The following UGT2B4 variants were observed in gnomAD, a reference collection of about 807,000 sequenced individuals.
UGT2B4 encodes UDP-glucuronosyltransferase 2B4.
Under a neutral mutation model 49.8 loss-of-function variants are expected in UGT2B4, and 49 were observed. That is an observed-to-expected ratio of 0.98 (90% CI 0.78 to 1.25). The LOEUF (loss-of-function observed/expected upper bound fraction) is 1.25, where lower values mean the gene tolerates loss of function less well. Ranked by LOEUF, UGT2B4 falls within the 50% of genes most tolerant of loss-of-function variation. The pLI is 0.00. For synonymous variants in UGT2B4, 246 were observed against 217.7 expected, an observed-to-expected ratio of 1.13 and a Z score of -1.14; for missense variants, 729 against 627.7, an observed-to-expected ratio of 1.16 and a Z score of -1.73.
At position 69,511,759 on chromosome 4, in the gene UGT2B4, C is replaced by G. The variant is rs1347746034; in HGVS notation, c.-106+13928G>C. Reference sequence around the variant, plus strand: ...TAAAGAAAAAGCATTAATTATTTTTCAAGTGTTTGGTAGTGAAGCCATCTG... The same window carrying G: ...TAAAGAAAAAGCATTAATTATTTTTGAAGTGTTTGGTAGTGAAGCCATCTG... On this transcript the variant is annotated intron_variant, in intron 1 of 1. Coordinates refer to the UGT2B4 transcript ENST00000510114. Among the ~76,000 whole-genome samples, 62 of 151,986 alleles carry G rather than the reference C, an allele frequency of 4.1e-4. 1 individual carries two copies. The highest frequency in any genetic ancestry group is 4.1e-3 in the Admixed American group (62 of 15,248).
In UGT2B4 at chr4:69,518,966, C is replaced by T. The variant is rs542814813; in HGVS notation, c.-106+6721G>A. Among the ~76,000 whole-genome samples, 26 of 151,966 alleles carry T rather than the reference C, an allele frequency of 1.7e-4. No individual in the cohort carries two copies. The South Asian group carries it at 3.1e-3, about 18-fold the overall frequency. On this transcript the variant is annotated intron_variant, in intron 1 of 1. Coordinates refer to the UGT2B4 transcript ENST00000510114. ...AATGCTGTTGACTTATGAGGTGTGA[C>T]GAAAGGTTTGGTAGGATTTATACAA...
At chr4:69,489,617 G>A in intron 2 of UGT2B4, 47 bp from the exon 3 acceptor site, 1 of 1,563,430 alleles carries the variant, frequency 6.4e-7, no homozygotes, top group Non-Finnish European at 8.6e-7. Flanking sequence ...TATCAGCACA[G>A]CAAGCACTGT....
At chr4:69,514,269 T>C (rs181538549) in intron 1 of UGT2B4, among the ~76,000 whole-genome samples, 49 of 152,236 alleles carry the variant, frequency 3.2e-4, no homozygotes, top group African/African-American at 1.2e-3. Flanking sequence ...CCCCAGTGTG[T>C]GATATTCCCC....
At chr4:69,504,504 C>A (rs911175586) in intron 1 of UGT2B4, among the ~76,000 whole-genome samples, 2 of 152,064 alleles carry the variant, frequency 1.3e-5, no homozygotes, top group African/African-American at 4.8e-5. Context: ...AATCTCAGAG[C>A]TTGAAGACTG....
Position 69,480,827 on chromosome 4 carries a change from T to G in UGT2B4, c.1394A>C (p.Glu465Ala), listed in dbSNP as rs368535155. Residue 465 changes from glutamate (E) to alanine (A), a missense_variant, in exon 6 of 6, where the codon GAA becomes GCA. Glu to Ala is a moderately radical substitution (Grantham distance 107). Transcript: ENST00000305107. Reference sequence around the variant, plus strand: ...GGCTCCTTTATGGCGCATGACAAATTCAATCCAGAAGACTGCTCGATCAAG... The same window carrying G: ...GGCTCCTTTATGGCGCATGACAAATGCAATCCAGAAGACTGCTCGATCAAG... ...KPLDRAVFWIEFVMRHKGAKH... is the reference protein window; with the variant it reads ...KPLDRAVFWIAFVMRHKGAKH... 1.8e-5 allele frequency: 29 copies of G among 1,613,790 alleles called. 1 individual carries two copies. The highest frequency in any genetic ancestry group is 2.7e-5 in the African/African-American group (2 of 74,900).
At chr4:69,492,345 A>C (rs1728014173) in intron 2 of UGT2B4, among the ~76,000 whole-genome samples, 1 of 152,124 alleles carries the variant, frequency 6.6e-6, no homozygotes, top group African/African-American at 2.4e-5. Flanking sequence ...AGTAAAATCA[A>C]GTGAACACTG....
intron 5 of UGT2B4, 112 bp from the exon 6 acceptor site, chr4:69,481,022 A>C (rs1727572206): frequency 9.0e-7 from 1 of 1,113,618 alleles, no homozygotes; most frequent in South Asian, 1.5e-5. Context: ...GCGGATCACG[A>C]GGTCAGGAGA....
intron 4 of UGT2B4, 138 bp downstream of exon 4, chr4:69,486,471 G>T: frequency 5.8e-6 from 3 of 521,650 alleles, no homozygotes; most frequent in East Asian, 4.1e-5. Flanking sequence ...CCCGGGACTG[G>T]AAAATAAATA....
chr4:69,496,692 G>A (rs1728176053), upstream of UGT2B4, among the ~76,000 whole-genome samples: 6 of 151,990 alleles, frequency 3.9e-5, no homozygotes, highest in Admixed American at 2.0e-4. Flanking sequence ...TTCTGCATTT[G>A]TCCTATCCTG....
intron 5 of UGT2B4, among the ~76,000 whole-genome samples, chr4:69,483,253 T>A (rs967416787): frequency 6.6e-6 from 1 of 152,170 alleles, no homozygotes; most frequent in Non-Finnish European, 1.5e-5. Context: ...ATATTGAATC[T>A]TTTCATACAT....
In UGT2B4 at chr4:69,480,852, G is replaced by A; in HGVS notation, c.1369C>T (p.Leu457Phe). The change falls in exon 6 of 6, where the codon CTT becomes TTT. Residue 457 changes from leucine to phenylalanine, a missense_variant. Transcript: ENST00000305107. ...RIHHDQPVKP[L>F]DRAVFWIEFV... ...TCAATCCAGAAGACTGCTCGATCAA[G>A]GGGCTTCACTGGTTGATCATGATGA... 6.2e-7 allele frequency: 1 copy of A among 1,613,828 alleles called. No individual in the cohort carries two copies. The highest frequency in any genetic ancestry group is 2.2e-5 in the East Asian group (1 of 44,870).
chr4:69,500,642 A>AAAG (rs1560438390), upstream of UGT2B4, among the ~76,000 whole-genome samples: 1 of 138,746 alleles, frequency 7.2e-6, no homozygotes, highest in African/African-American at 2.6e-5. Flanking sequence ...AGAAAGAAAG[A>AAAG]AAGAAAGAAA....
chr4:69,506,865 C>A (rs546558159), intron 1 of UGT2B4, among the ~76,000 whole-genome samples: 37 of 152,148 alleles, frequency 2.4e-4, no homozygotes, highest in African/African-American at 7.9e-4. Context: ...TATCAAAAAG[C>A]TTTATCCACC....
chr4:69,492,216 A>G (rs550128108), intron 2 of UGT2B4, among the ~76,000 whole-genome samples: 6 of 152,148 alleles, frequency 3.9e-5, no homozygotes, highest in East Asian at 1.9e-4. Context: ...GACACAAGCT[A>G]TCCCAGGAAG....
chr4:69,524,049 T>G (rs953195729), intron 1 of UGT2B4, among the ~76,000 whole-genome samples: 4 of 152,092 alleles, frequency 2.6e-5, no homozygotes, highest in Non-Finnish European at 5.9e-5. Context: ...GGATTAGGCT[T>G]TGGTTTAAGG....
chr4:69,485,266 G>A lies in UGT2B4; in HGVS notation c.1252C>T (p.His418Tyr). The change falls in exon 5 of 6, where the codon CAC (histidine) becomes TAC (tyrosine). Residue 418 changes from histidine to tyrosine, a missense_variant. Coordinates refer to ENST00000305107, the MANE Select transcript of UGT2B4 (RefSeq NM_021139.3). ...AKGAAVSLDF[H>Y]TMSSTDLLNA... ...AGTAAGTCTGTACTCGACATTGTGT[G>A]GAAGTCCAAACTAACAGCTGCTCCC... 4 of 1,613,908 alleles carry A rather than the reference G, an allele frequency of 2.5e-6. No individual in the cohort carries two copies. The South Asian group carries it at 3.3e-5, about 13-fold the overall frequency.
At chr4:69,488,394 C>A (rs1727857012) in intron 3 of UGT2B4, among the ~76,000 whole-genome samples, 1 of 146,950 alleles carries the variant, frequency 6.8e-6, no homozygotes, top group African/African-American at 2.4e-5. Flanking sequence ...CCAAGGAATC[C>A]TTATAAATTA....
rs934389845 is a variant in UGT2B4 at position 69,485,089 on chromosome 4, T to C, written c.1310+119A>G. On this transcript the variant is annotated intron_variant, in intron 5 of 5. Coordinates refer to ENST00000305107, the MANE Select transcript of UGT2B4 (RefSeq NM_021139.3). Reference sequence around the variant, plus strand: ...AAAAATAAAAGCAGATTTCAGATTGTTTAAATCACTTAAATTCTTTCGAAA... The same window carrying C: ...AAAAATAAAAGCAGATTTCAGATTGCTTAAATCACTTAAATTCTTTCGAAA... 4.7e-6 allele frequency: 6 copies of C among 1,279,774 alleles called. No individual in the cohort carries two copies. The African/African-American group carries it at 9.1e-5, about 19-fold the overall frequency. The allele number at this position is 1,279,774 out of a possible 1,614,324, so 79.3% of individuals were successfully genotyped here.
At position 69,480,472 on chromosome 4, in the gene UGT2B4, T is replaced by C. The variant is rs898147687; in HGVS notation, c.*162A>G. 4.7e-5 allele frequency: 48 copies of C among 1,024,152 alleles called. No homozygotes were observed. Among genetic ancestry groups the C allele is most frequent in the East Asian group, 2.1e-4 (8 of 38,098 alleles). The allele number at this position is 1,024,152 out of a possible 1,614,324, so 63.4% of individuals were successfully genotyped here. On this transcript the variant is annotated 3_prime_UTR_variant, in exon 6 of 6. Coordinates refer to ENST00000305107, the MANE Select transcript of UGT2B4 (RefSeq NM_021139.3). ...CCTCCTTGACATGAAATATTTCTAA[T>C]GGTTAAACAGGTACTAAAACAAATT...
Sources: gnomAD v4.1 joint callset for allele counts (sites outside exome capture counted in the v4.1 genomes callset) on GRCh38, gnomAD v4.1.1 for gene constraint, MANE v1.5 for transcripts, NCBI Gene and HGNC (gene_info 2026-07-23, HGNC 2026-07-21) for gene names.